Variants in OSBPL2 observed in about 807,000 individuals in gnomAD.
The protein encoded by OSBPL2 is oxysterol binding protein like 2.
OSBPL2 carries 18 observed loss-of-function variants against 58.4 expected under a neutral mutation model. That is an observed-to-expected ratio of 0.31 (90% CI 0.21 to 0.46). The LOEUF is 0.46. Among genes scored for constraint, OSBPL2 ranks in the 20% least tolerant of loss-of-function variants. OSBPL2 has a pLI of 1.00. For missense variants in OSBPL2, 461 were observed against 616.5 expected (o/e 0.75, Z 2.67); for synonymous variants, 221 against 234.1 (o/e 0.94, Z 0.51).
chr20:62,281,486 T>G, intron 8 of OSBPL2: 1 of 497,982 alleles, frequency 2.0e-6, no homozygotes, highest in Non-Finnish European at 3.6e-6. Context: ...GAATGCCCTA[T>G]TCCTGGAAGC....
intron 6 of OSBPL2, among the ~76,000 whole-genome samples, chr20:62,273,648 G>A (rs1241559442): frequency 6.6e-6 from 1 of 152,222 alleles, no homozygotes; most frequent in Non-Finnish European, 1.5e-5. Context: ...TAGTGTGTTC[G>A]ACTCAAGCGT....
rs1210534057 is a variant in OSBPL2, at chr20:62,290,805, C to T, written c.1250-898C>T. 2.3e-4 allele frequency among the ~76,000 whole-genome samples: 34 copies of T among 145,776 alleles called. 1 individual carries two copies. The highest frequency in any genetic ancestry group is 1.5e-5 in the Non-Finnish European group (1 of 67,036). ...CCAGGCTGGAGTGCAGTGGCGTGAT[C>T]TCGGCTCACTGCAACCTCTGCTCAC... On this transcript the variant is annotated intron_variant, in intron 12 of 13. Transcript: ENST00000313733.
intron 12 of OSBPL2, chr20:62,291,406 G>A (rs1983499663): frequency 7.2e-6 from 3 of 416,164 alleles, no homozygotes; most frequent in South Asian, 6.1e-5. Flanking sequence ...TGGTGCCTGG[G>A]CCCTGCCTGT....
intron 4 of OSBPL2, among the ~76,000 whole-genome samples, 156 bp downstream of exon 4, chr20:62,263,847 C>T (rs983048274): frequency 4.6e-5 from 7 of 152,080 alleles, no homozygotes; most frequent in South Asian, 4.1e-4. Context: ...GGGCGGATCA[C>T]GAGGTCAGGA....
chr20:62,247,383 A>G (rs1980193918), intron 1 of OSBPL2, among the ~76,000 whole-genome samples: 1 of 152,098 alleles, frequency 6.6e-6, no homozygotes, highest in East Asian at 1.9e-4. Flanking sequence ...ATTCCCTGTG[A>G]CTGCCCTGGC....
Position 62,281,084 on chromosome 20 carries a change from A to G in OSBPL2, c.701A>G (p.Asn234Ser), listed in dbSNP as rs1982748396. ...LKHNEAYTWTNPTCCVHNVII... is the reference protein window; with the variant it reads ...LKHNEAYTWTSPTCCVHNVII... The stretch of plus-strand genomic sequence containing the variant: ...CATAATGAAGCCTACACCTGGACCA[A>G]CCCCACCTGCTGCGTCCACAACGTC... Residue 234 changes from asparagine (N) to serine (S), a missense_variant, in exon 8 of 14, where the codon AAC becomes AGC. Asn to Ser is a conservative substitution (Grantham distance 46). Coordinates refer to ENST00000313733, the MANE Select transcript of OSBPL2 (RefSeq NM_144498.4). 2 of 1,613,984 alleles carry G rather than the reference A, an allele frequency of 1.2e-6. No homozygotes were observed. The highest frequency in any genetic ancestry group is 8.5e-7 in the Non-Finnish European group (1 of 1,179,950).
At chr20:62,256,360 C>G in intron 2 of OSBPL2, 139 bp downstream of exon 2, 1 of 677,464 alleles carries the variant, frequency 1.5e-6, no homozygotes, top group South Asian at 2.1e-5. Flanking sequence ...CAAACACGGA[C>G]TGTTCAGCAA....
intron 2 of OSBPL2, chr20:62,259,286 C>G (rs1981138946): frequency 6.6e-6 from 1 of 152,228 alleles, no homozygotes; most frequent in African/African-American, 2.4e-5. Flanking sequence ...TCCCTAGTTG[C>G]CCGTTCTGTC....
chr20:62,281,626 C>T, intron 8 of OSBPL2, 164 bp from the exon 9 acceptor site: 3 of 575,018 alleles, frequency 5.2e-6, no homozygotes, highest in East Asian at 5.6e-5. Flanking sequence ...GCCGTCCCCA[C>T]AGCCCATTTC....
rs984829426 is a variant in OSBPL2, at chr20:62,288,445, C to T, written c.1126-762C>T. Among the ~76,000 whole-genome samples, 1 of 146,278 alleles carries T rather than the reference C, an allele frequency of 6.8e-6. No homozygotes were observed. Among genetic ancestry groups the T allele is most frequent in the Non-Finnish European group, 1.5e-5 (1 of 66,216 alleles). ...GGCTGGGAGGCTATGGGTGCAGAGG[C>T]TGGGAGGCTGTGGGTACAGAGGCCG... On this transcript the variant is annotated intron_variant, in intron 11 of 13. Transcript: ENST00000313733. This position sits in a 1 kb window ranked among gnomAD's most constrained non-coding sequence, Gnocchi z 4.8.
rs551156426 is a variant in OSBPL2, at chr20:62,284,264, G to T, written c.996+95G>T. The T allele has an allele frequency of 1.6e-5, 24 of 1,472,166 alleles. No individual in the cohort carries two copies. In the South Asian group the frequency reaches 2.7e-4, roughly 17 times the overall value. The allele number at this position is 1,472,166 out of a possible 1,614,324, so 91.2% of individuals were successfully genotyped here. A position where few individuals can be genotyped will look rare whatever the true frequency, so the allele number is the denominator to read the frequency against. ...TTAGCTCACCTGTTGGGGTCCCAGGGAACCTTTGGGCCCCACCAGGAGAGA... is the reference window on the plus strand; with the variant it reads ...TTAGCTCACCTGTTGGGGTCCCAGGTAACCTTTGGGCCCCACCAGGAGAGA... On this transcript the variant is annotated intron_variant, in intron 10 of 13. Transcript: ENST00000313733.
At chr20:62,281,931 G>C in intron 9 of OSBPL2, 52 bp downstream of exon 9, 2 of 1,252,590 alleles carry the variant, frequency 1.6e-6, no homozygotes, top group East Asian at 4.7e-5. Flanking sequence ...GTGTGTCCAC[G>C]TTAGAAGGGC....
rs374275739 is a variant in OSBPL2 at position 62,256,214 on chromosome 20, C to T, written c.30C>T (p.Ala10=). 2.0e-5 allele frequency: 32 copies of T among 1,613,514 alleles called. No homozygotes were observed. Among genetic ancestry groups the T allele is most frequent in the African/African-American group, 4.0e-5 (3 of 74,876 alleles). ...ACGGAGAGGAAGAATTCTTTGATGCCGTCACAGGTGAGTCAAAAGAGAACC... is the reference window on the plus strand; with the variant it reads ...ACGGAGAGGAAGAATTCTTTGATGCTGTCACAGGTGAGTCAAAAGAGAACC... The part of the protein sequence containing the change: MNGEEEFFD[A]VTGFDSDNSS... The change falls in exon 2 of 14, where the codon GCC becomes GCT. Residue 10 remains alanine (A), a synonymous_variant. Coordinates refer to ENST00000313733, the MANE Select transcript of OSBPL2 (RefSeq NM_144498.4).
At chr20:62,252,868 G>A (rs1423846207) in intron 1 of OSBPL2, among the ~76,000 whole-genome samples, 1 of 152,216 alleles carries the variant, frequency 6.6e-6, no homozygotes, top group Non-Finnish European at 1.5e-5. Context: ...GATCTCATGG[G>A]CACTCATCCT....
intron 6 of OSBPL2, among the ~76,000 whole-genome samples, chr20:62,274,697 C>T (rs749372793): frequency 1.3e-5 from 2 of 152,190 alleles, no homozygotes; most frequent in South Asian, 2.1e-4. Context: ...ACACAGAGCT[C>T]GCTCCGCCTG....
intron 1 of OSBPL2, among the ~76,000 whole-genome samples, chr20:62,249,847 T>G (rs1026922582): frequency 1.3e-5 from 2 of 152,226 alleles, no homozygotes; most frequent in Non-Finnish European, 2.9e-5. Flanking sequence ...GTGCTGGGAT[T>G]ACAGGCCTGA....
intron 7 of OSBPL2, among the ~76,000 whole-genome samples, chr20:62,279,730 G>T (rs1250845514): frequency 1.3e-5 from 2 of 152,256 alleles, no homozygotes; most frequent in East Asian, 1.9e-4. Context: ...GTGTCTGAGG[G>T]CCGGGGACCG....
At chr20:62,241,271 C>A (rs75149263) in intron 1 of OSBPL2, among the ~76,000 whole-genome samples, 2,428 of 152,178 alleles carry the variant, frequency 0.016, 34 homozygotes, top group Non-Finnish European at 0.026. Flanking sequence ...CAGCTCACTG[C>A]AAGCTCTGCC....
At chr20:62,241,091 G>A (rs1979697750) in intron 1 of OSBPL2, among the ~76,000 whole-genome samples, 1 of 152,168 alleles carries the variant, frequency 6.6e-6, no homozygotes, top group South Asian at 2.1e-4. Context: ...GGTGCTGTTT[G>A]AATGTGAAAA....
Sources: gnomAD v4.1 joint callset for allele counts (sites outside exome capture counted in the v4.1 genomes callset) on GRCh38, gnomAD v4.1.1 for gene constraint, Gnocchi (gnomAD v3.1) non-coding constraint, MANE v1.5 for transcripts, NCBI Gene and HGNC (gene_info 2026-07-23, HGNC 2026-07-21) for gene names.